CXADR: variants seen among roughly 807,000 people sequenced by gnomAD.
CXADR encodes the protein coxsackievirus and adenovirus receptor.
Under a neutral mutation model 40.3 loss-of-function variants are expected in CXADR, and 20 were observed. That is an observed-to-expected ratio of 0.50 (90% CI 0.35 to 0.72). The LOEUF is 0.72. Ranked by LOEUF, CXADR falls within the 30% of genes least tolerant of loss-of-function variation. The probability of loss-of-function intolerance (pLI) is 0.01; values close to 1 mark genes in which losing one functional copy is unlikely to be tolerated. For missense variants in CXADR, 332 were observed against 449.1 expected (o/e 0.74, Z 2.36); for synonymous variants, 150 against 161.3 (o/e 0.93, Z 0.53).
chr21:17,576,890 C>T (rs1231446122), intron 7 of CXADR: 1 of 151,988 alleles, frequency 6.6e-6, no homozygotes, highest in Non-Finnish European at 1.5e-5. Flanking sequence ...CTCACTTTTG[C>T]ACTTGACTGG....
intron 7 of CXADR, among the ~76,000 whole-genome samples, chr21:17,592,207 G>A (rs970161863): frequency 6.6e-6 from 1 of 151,892 alleles, no homozygotes; most frequent in African/African-American, 2.4e-5. Flanking sequence ...TTATGCTTCT[G>A]ATTTTCCCAA....
intron 1 of CXADR, among the ~76,000 whole-genome samples, chr21:17,522,440 G>A (rs1336230395): frequency 2.6e-5 from 4 of 152,104 alleles, no homozygotes; most frequent in Admixed American, 6.6e-5. Flanking sequence ...GAGCCACTGC[G>A]CTCAGCCTTT....
the CXADR span, among the ~76,000 whole-genome samples, chr21:17,618,554 C>T: frequency 4.0e-5 from 6 of 151,272 alleles, no homozygotes; most frequent in African/African-American, 1.5e-4. Flanking sequence ...TTTTTGGAGG[C>T]GGGGATGGAA....
intron 2 of CXADR, 30 bp from the exon 3 acceptor site, chr21:17,551,719 T>C (rs1237180515): frequency 6.4e-7 from 1 of 1,572,014 alleles, no homozygotes; most frequent in African/African-American, 1.4e-5. Context: ...TGTTTGTTTT[T>C]CCTCCTGTCT....
At chr21:17,603,552 G>C in the CXADR span, among the ~76,000 whole-genome samples, 9 of 152,116 alleles carry the variant, frequency 5.9e-5, no homozygotes, top group African/African-American at 2.2e-4. Context: ...GTCAGTCTGC[G>C]ACCACCTTAG....
rs572461506 is a variant in CXADR, at chr21:17,566,115, C to T, written c.*423C>T. On this transcript the variant is annotated 3_prime_UTR_variant, in exon 7 of 7. Transcript: ENST00000284878. ...GGATGTGTATTTCATTTATTTATGGCCCACCAGTCTCCCCCAAATTAGTAC... is the reference window on the plus strand; with the variant it reads ...GGATGTGTATTTCATTTATTTATGGTCCACCAGTCTCCCCCAAATTAGTAC... 4.1e-6 allele frequency: 4 copies of T among 982,646 alleles called. No individual in the cohort carries two copies. Among genetic ancestry groups the T allele is most frequent in the Non-Finnish European group, 4.8e-6 (4 of 827,256 alleles). The allele number at this position is 982,646 out of a possible 1,614,324, so 60.9% of individuals were successfully genotyped here. A position where few individuals can be genotyped will look rare whatever the true frequency, so the allele number is the denominator to read the frequency against.
At chr21:17,524,136 C>T (rs917320834) in intron 1 of CXADR, among the ~76,000 whole-genome samples, 12 of 151,652 alleles carry the variant, frequency 7.9e-5, no homozygotes, top group African/African-American at 2.9e-4. Flanking sequence ...TCAGGTGATC[C>T]ACCCACCTCA....
intron 1 of CXADR, among the ~76,000 whole-genome samples, chr21:17,534,317 G>C (rs1432169052): frequency 6.6e-6 from 1 of 151,742 alleles, no homozygotes; most frequent in East Asian, 1.9e-4. Flanking sequence ...GGCTGGTCTT[G>C]ATGTCCTGAC....
chr21:17,577,371 T>C (rs2061329125), intron 7 of CXADR, among the ~76,000 whole-genome samples: 1 of 152,172 alleles, frequency 6.6e-6, no homozygotes, highest in Non-Finnish European at 1.5e-5. Flanking sequence ...GTATTTCATA[T>C]ATATCCATTT....
At chr21:17,525,266 T>C (rs2060585315) in intron 1 of CXADR, among the ~76,000 whole-genome samples, 1 of 152,252 alleles carries the variant, frequency 6.6e-6, no homozygotes, top group Admixed American at 6.5e-5. Flanking sequence ...TGGTTTTAAT[T>C]TCATTTACTT....
At chr21:17,554,776 C>T (rs1177518566) in intron 3 of CXADR, among the ~76,000 whole-genome samples, 1 of 152,152 alleles carries the variant, frequency 6.6e-6, no homozygotes, top group Non-Finnish European at 1.5e-5. Flanking sequence ...ATGAAGTGCC[C>T]TCTAGTGACC....
chr21:17,587,840 G>A (rs1172453522), intron 7 of CXADR, among the ~76,000 whole-genome samples: 1 of 152,124 alleles, frequency 6.6e-6, no homozygotes, highest in African/African-American at 2.4e-5. Context: ...GTATTGCCTA[G>A]GTTTTCTTCT....
In CXADR at chr21:17,522,062, C is replaced by T. The variant is rs1485067004; in HGVS notation, c.43+8890C>T. On this transcript the variant is annotated intron_variant, in intron 1 of 6. Coordinates refer to ENST00000284878, the MANE Select transcript of CXADR (RefSeq NM_001338.5). ...AGACAGTGTCTCTCTCTCTTGCCCA[C>T]GCTGGAGTGCAGTGGGCTCAGGTGA... 4.6e-5 allele frequency among the ~76,000 whole-genome samples: 7 copies of T among 151,968 alleles called. No homozygotes were observed. The East Asian group carries it at 9.7e-4, about 21-fold the overall frequency.
the CXADR span, among the ~76,000 whole-genome samples, chr21:17,635,522 C>T: frequency 7.9e-5 from 12 of 152,090 alleles, no homozygotes; most frequent in African/African-American, 2.9e-4. Context: ...CACCTGGCCT[C>T]CAGAGGGTGG....
At chr21:17,558,937 A>G (rs2123298871) in intron 3 of CXADR, 39 bp from the exon 4 acceptor site, 1 of 1,572,894 alleles carries the variant, frequency 6.4e-7, no homozygotes, top group Non-Finnish European at 8.6e-7. Flanking sequence ...AGTAAGTTCC[A>G]TTCTCTTATG....
At chr21:17,557,344 C>T (rs1246058487) in intron 3 of CXADR, among the ~76,000 whole-genome samples, 1 of 152,226 alleles carries the variant, frequency 6.6e-6, no homozygotes, top group Non-Finnish European at 1.5e-5. Flanking sequence ...GCCCCACCTC[C>T]TCACAGCTCC....
chr21:17,594,146 T>A (rs536303681), downstream of CXADR: 1 of 1,613,286 alleles, frequency 6.2e-7, no homozygotes, highest in Admixed American at 1.7e-5. Flanking sequence ...TCACAATGCA[T>A]TCCAGGAGGA....
the CXADR span, chr21:17,605,264 T>C: frequency 1.0e-4 from 28 of 274,254 alleles, no homozygotes; most frequent in East Asian, 2.7e-4. Context: ...TGACCACCCA[T>C]GTACATTAAA....
intron 1 of CXADR, among the ~76,000 whole-genome samples, chr21:17,538,625 A>G (rs2060790066): frequency 1.3e-5 from 2 of 151,876 alleles, no homozygotes; most frequent in Non-Finnish European, 2.9e-5. Flanking sequence ...GGGCAACATA[A>G]CGAGACTGCA....
Sources: allele counts gnomAD v4.1 joint callset (sites outside exome capture counted in the v4.1 genomes callset), GRCh38; gene constraint gnomAD v4.1.1; transcripts MANE v1.5; gene names NCBI Gene and HGNC (gene_info 2026-07-23, HGNC 2026-07-21).